Variants in SCHIP1 observed in about 807,000 individuals in gnomAD.
The protein encoded by SCHIP1 is schwannomin interacting protein 1.
A neutral mutation model predicts 29.7 loss-of-function variants in SCHIP1; 8 were observed. That is an observed-to-expected ratio of 0.27 (90% CI 0.16 to 0.49). The LOEUF is 0.49. Among genes scored for constraint, SCHIP1 ranks in the 20% least tolerant of loss-of-function variants. SCHIP1 has a pLI of 0.99. For synonymous variants in SCHIP1, 76 were observed against 94.9 expected (o/e 0.80, Z 1.16); for missense variants, 193 against 294.6 (o/e 0.66, Z 2.52).
the SCHIP1 span, among the ~76,000 whole-genome samples, chr3:159,301,715 A>G: frequency 6.6e-6 from 1 of 152,116 alleles, no homozygotes; most frequent in Admixed American, 6.6e-5. Context: ...GCCATGTAAG[A>G]TGTGCCTTGC....
the SCHIP1 span, among the ~76,000 whole-genome samples, chr3:159,528,661 A>G: frequency 6.6e-6 from 1 of 152,168 alleles, no homozygotes; most frequent in African/African-American, 2.4e-5. Context: ...TTTTTGGGCC[A>G]TATCAGCCTC....
the SCHIP1 span, chr3:159,764,833 C>G: frequency 4.4e-6 from 7 of 1,590,942 alleles, no homozygotes; most frequent in Non-Finnish European, 6.0e-6. The surrounding 1 kb of genome is among the most constrained non-coding windows in gnomAD (Gnocchi z 6.1). Flanking sequence ...CAACGGCAAC[C>G]TCCACCAGCA....
the SCHIP1 span, among the ~76,000 whole-genome samples, chr3:159,761,383 T>C: frequency 0.43 from 64,887 of 152,102 alleles, 14,739 homozygotes; most frequent in African/African-American, 0.6. Context: ...TATCCCACAC[T>C]TCTGATGTCT....
At chr3:159,430,315 C>T in the SCHIP1 span, among the ~76,000 whole-genome samples, 1 of 152,158 alleles carries the variant, frequency 6.6e-6, no homozygotes, top group African/African-American at 2.4e-5. Context: ...AAATTTCTCT[C>T]ATTTTATATT....
At chr3:159,593,576 G>A in the SCHIP1 span, among the ~76,000 whole-genome samples, 1 of 152,152 alleles carries the variant, frequency 6.6e-6, no homozygotes, top group African/African-American at 2.4e-5. Context: ...ATAGTGGAGT[G>A]ATGAGAAGTC....
the SCHIP1 span, among the ~76,000 whole-genome samples, chr3:159,679,064 G>A: frequency 6.6e-6 from 1 of 152,170 alleles, no homozygotes; most frequent in Admixed American, 6.5e-5. Flanking sequence ...GGATTCGATT[G>A]ATGAACTATC....
chr3:159,843,652 C>G (rs1284089446), intron 1 of SCHIP1, among the ~76,000 whole-genome samples: 2 of 151,676 alleles, frequency 1.3e-5, no homozygotes, highest in Non-Finnish European at 1.5e-5. Flanking sequence ...AACCCCATCT[C>G]TACTAAAAAA....
At chr3:159,744,729 GCACTTTGGGAGGC>G in the SCHIP1 span, among the ~76,000 whole-genome samples, 1 of 152,312 alleles carries the variant, frequency 6.6e-6, no homozygotes, top group South Asian at 2.1e-4. Flanking sequence ...TATAATCCCA[GCACTTTGGGAGGC>G]CGAGGCGGGT....
the SCHIP1 span, among the ~76,000 whole-genome samples, chr3:159,773,506 T>C: frequency 2.1e-4 from 31 of 150,098 alleles, no homozygotes; most frequent in African/African-American, 7.6e-4. Flanking sequence ...CTTCAACAGA[T>C]GCCACCTTTT....
chr3:159,825,952 A>G, the SCHIP1 span, among the ~76,000 whole-genome samples: 1 of 152,200 alleles, frequency 6.6e-6, no homozygotes, highest in Non-Finnish European at 1.5e-5. Flanking sequence ...TGGCTTTTCC[A>G]GAAAACTCAA....
At chr3:159,459,125 G>A in the SCHIP1 span, among the ~76,000 whole-genome samples, 6 of 151,952 alleles carry the variant, frequency 3.9e-5, no homozygotes, top group Admixed American at 2.0e-4. Context: ...TATAATGAGG[G>A]CACATTTACT....
the SCHIP1 span, among the ~76,000 whole-genome samples, chr3:159,294,014 G>A: frequency 6.6e-6 from 1 of 152,126 alleles, no homozygotes; most frequent in Non-Finnish European, 1.5e-5. Flanking sequence ...AGTAATCTGT[G>A]AGTACCATGT....
At chr3:159,391,145 T>C in the SCHIP1 span, among the ~76,000 whole-genome samples, 1 of 152,152 alleles carries the variant, frequency 6.6e-6, no homozygotes, top group Non-Finnish European at 1.5e-5. Context: ...TTAACAGTTA[T>C]GCATTTAAAT....
chr3:159,390,643 A>T, the SCHIP1 span, among the ~76,000 whole-genome samples: 2 of 152,176 alleles, frequency 1.3e-5, no homozygotes, highest in South Asian at 2.1e-4. Flanking sequence ...TTTAATTTTT[A>T]AAATTCTTAA....
chr3:159,539,555 C>T, the SCHIP1 span, among the ~76,000 whole-genome samples: 1 of 135,338 alleles, frequency 7.4e-6, no homozygotes, highest in African/African-American at 2.6e-5. Flanking sequence ...TGTCCCTTCC[C>T]CCTTCATGAA....
the SCHIP1 span, among the ~76,000 whole-genome samples, chr3:159,548,110 T>C: frequency 6.6e-6 from 1 of 152,072 alleles, no homozygotes; most frequent in East Asian, 1.9e-4. Context: ...GATTTATGTT[T>C]ATGAGTAAGT....
At chr3:159,289,032 T>C in the SCHIP1 span, among the ~76,000 whole-genome samples, 2 of 152,206 alleles carry the variant, frequency 1.3e-5, no homozygotes, top group African/African-American at 4.8e-5. Flanking sequence ...CTTTCCCATT[T>C]ACATCTAATC....
At chr3:159,482,517 G>C in the SCHIP1 span, among the ~76,000 whole-genome samples, 2 of 152,112 alleles carry the variant, frequency 1.3e-5, no homozygotes, top group Non-Finnish European at 2.9e-5. Context: ...TGAGTACCCT[G>C]ATCTAAAGGT....
At chr3:159,637,815 G>T in the SCHIP1 span, among the ~76,000 whole-genome samples, 1 of 152,156 alleles carries the variant, frequency 6.6e-6, no homozygotes, top group African/African-American at 2.4e-5. Context: ...GAAAATGCCA[G>T]CATTGGCCAT....
Sources: gnomAD v4.1 joint callset for allele counts (sites outside exome capture counted in the v4.1 genomes callset) on GRCh38, gnomAD v4.1.1 for gene constraint, Gnocchi (gnomAD v3.1) non-coding constraint, MANE v1.5 for transcripts, NCBI Gene and HGNC (gene_info 2026-07-23, HGNC 2026-07-21) for gene names.